SLC35D1: variants seen among roughly 807,000 people sequenced by gnomAD.
SLC35D1 encodes the protein solute carrier family 35 member D1, also known as nucleotide sugar transporter SLC35D1.
A neutral mutation model predicts 46.7 loss-of-function variants in SLC35D1; 31 were observed. The observed-to-expected ratio is 0.66, with a 90% CI of 0.50 to 0.90. The LOEUF (loss-of-function observed/expected upper bound fraction) is 0.90, where lower values mean the gene tolerates loss of function less well. SLC35D1 is among the 40% of genes least tolerant of loss of function. The pLI, the probability that SLC35D1 is intolerant of heterozygous loss-of-function variation, is 0.00. For synonymous variants in SLC35D1, 195 were observed against 164.6 expected (o/e 1.18, Z -1.41); for missense variants, 397 against 426.2 (o/e 0.93, Z 0.60).
At chr1:67,030,221 C>G (rs1453696700) in intron 8 of SLC35D1, among the ~76,000 whole-genome samples, 1 of 152,166 alleles carries the variant, frequency 6.6e-6, no homozygotes, top group Non-Finnish European at 1.5e-5. Flanking sequence ...GGTATTAAGG[C>G]TTCTTCCAGT....
chr1:66,986,275 C>G, the SLC35D1 span: 1 of 1,445,356 alleles, frequency 6.9e-7, no homozygotes, highest in Non-Finnish European at 9.0e-7. Context: ...ATCTGCATAG[C>G]CTTGTAAAAG....
chr1:67,047,277 T>C lies in SLC35D1; in HGVS notation c.624A>G (p.Lys208=). 6.2e-7 allele frequency: 1 copy of C among 1,612,810 alleles called. No homozygotes were observed. The highest frequency in any genetic ancestry group is 8.5e-7 in the Non-Finnish European group (1 of 1,179,470). ...GATTGCTACTTACTTTTGAATCTAA[T>C]TTTTGTTTTACGTATGCACCATTTG... ...TAANGAYVKQ[K]LDSKELGKYG... The change falls in exon 7 of 12, where the codon AAA becomes AAG. Residue 208 remains lysine (K), a synonymous_variant. Transcript: ENST00000235345.
chr1:66,992,125 A>G, the SLC35D1 span, among the ~76,000 whole-genome samples: 9 of 152,284 alleles, frequency 5.9e-5, no homozygotes, highest in South Asian at 1.5e-3. Flanking sequence ...GAACAAACCT[A>G]TGGCTGGATA....
At chr1:67,006,164 A>C (rs574769307) in intron 11 of SLC35D1, among the ~76,000 whole-genome samples, 1 of 152,190 alleles carries the variant, frequency 6.6e-6, no homozygotes, top group Non-Finnish European at 1.5e-5. Context: ...CCCAATTCTT[A>C]TGCCAATGTT....
At chr1:66,987,668 T>A in the SLC35D1 span, 2 of 132,716 alleles carry the variant, frequency 1.5e-5, no homozygotes, top group Non-Finnish European at 3.2e-5. Context: ...TTAAACATAT[T>A]TGCCTACATA....
In SLC35D1 at chr1:67,033,935, G is replaced by C. The variant is rs548328409; in HGVS notation, c.729+8301C>G. Among the ~76,000 whole-genome samples, 10 of 152,266 alleles carry C rather than the reference G, an allele frequency of 6.6e-5. No homozygotes were observed. The East Asian group carries it at 1.2e-3, about 18-fold the overall frequency. ...GGCTTTCCCTGAACCATACACTGAA[G>C]AGACTGTCCCTTCCCCAGTGTATGT... is the stretch of plus-strand genomic sequence containing the variant. On this transcript the variant is annotated intron_variant, in intron 8 of 11. Transcript: ENST00000235345.
chr1:66,973,500 T>C, the SLC35D1 span, among the ~76,000 whole-genome samples: 2 of 152,058 alleles, frequency 1.3e-5, no homozygotes, highest in African/African-American at 4.8e-5. Context: ...CTTTATATTC[T>C]TATAGTTATA....
At chr1:67,041,715 G>A (rs192379690) in intron 8 of SLC35D1, among the ~76,000 whole-genome samples, 1 of 152,078 alleles carries the variant, frequency 6.6e-6, no homozygotes, top group Admixed American at 6.6e-5. Flanking sequence ...CAGAAAATTG[G>A]TAAACTACTA....
intron 8 of SLC35D1, among the ~76,000 whole-genome samples, chr1:67,034,248 AGG>A (rs2102322267): frequency 6.6e-6 from 1 of 152,254 alleles, no homozygotes; most frequent in African/African-American, 2.4e-5. Context: ...GTATTTTGAC[AGG>A]GGTTGAATTA....
the SLC35D1 span, among the ~76,000 whole-genome samples, chr1:66,982,479 T>C: frequency 6.6e-6 from 1 of 152,182 alleles, no homozygotes; most frequent in Non-Finnish European, 1.5e-5. Flanking sequence ...GTTCAGATAG[T>C]GTTTCCGTTT....
chr1:67,015,142 C>A (rs1426295632), intron 10 of SLC35D1, among the ~76,000 whole-genome samples: 74 of 41,034 alleles, frequency 1.8e-3, no homozygotes, highest in East Asian at 3.5e-3. Context: ...TTATAAAACA[C>A]ATAAAAATGT....
At chr1:66,979,882 C>T in the SLC35D1 span, among the ~76,000 whole-genome samples, 47 of 151,992 alleles carry the variant, frequency 3.1e-4, no homozygotes, top group East Asian at 7.3e-3. Context: ...CTACTGCCGC[C>T]GCCTCCCGAG....
intron 4 of SLC35D1, among the ~76,000 whole-genome samples, chr1:67,051,718 A>G (rs1645310453): frequency 6.6e-6 from 1 of 152,238 alleles, no homozygotes; most frequent in Admixed American, 6.5e-5. Flanking sequence ...TTGTGGCTCT[A>G]GAAAAATAAT....
intron 3 of SLC35D1, 69 bp from the exon 4 acceptor site, chr1:67,052,148 GA>G (rs1277779966): frequency 1.8e-6 from 2 of 1,137,202 alleles, no homozygotes; most frequent in African/African-American, 1.5e-5. Context: ...CTTTCAAACA[GA>G]AACAATTTTG....
At chr1:66,982,032 T>C in the SLC35D1 span, 2 of 989,400 alleles carry the variant, frequency 2.0e-6, no homozygotes, top group Non-Finnish European at 3.1e-6. Flanking sequence ...AAGTAAAAAA[T>C]GATAACACAT....
At chr1:67,030,287 A>G (rs1326299990) in intron 8 of SLC35D1, among the ~76,000 whole-genome samples, 1 of 152,196 alleles carries the variant, frequency 6.6e-6, no homozygotes, top group Non-Finnish European at 1.5e-5. Flanking sequence ...TACCCAAGCT[A>G]AAACACATAA....
In SLC35D1 at chr1:67,018,276, A is replaced by G. The variant is rs188036254; in HGVS notation, c.876+2093T>C. On this transcript the variant is annotated intron_variant, in intron 10 of 11. Coordinates refer to ENST00000235345, the MANE Select transcript of SLC35D1 (RefSeq NM_015139.3). ...CAACAAGGCTAGCAGGCAACTTAGG[A>G]AAGTGTATAACAGGACGTCATTTGA... 1.1e-4 allele frequency among the ~76,000 whole-genome samples: 16 copies of G among 152,270 alleles called. No homozygotes were observed. In the East Asian group the frequency reaches 3.1e-3, roughly 29 times the overall value.
At chr1:67,017,349 GTT>G (rs2102268362) in intron 10 of SLC35D1, among the ~76,000 whole-genome samples, 1 of 152,140 alleles carries the variant, frequency 6.6e-6, no homozygotes, top group East Asian at 1.9e-4. Flanking sequence ...TGTTATTGTT[GTT>G]ATTACTTCTC....
intron 10 of SLC35D1, among the ~76,000 whole-genome samples, chr1:67,009,939 G>T (rs1424999417): frequency 6.6e-6 from 1 of 152,172 alleles, no homozygotes; most frequent in Non-Finnish European, 1.5e-5. Flanking sequence ...CAACCAAGAT[G>T]CCCATTAACG....
Sources: gnomAD v4.1 joint callset for allele counts (sites outside exome capture counted in the v4.1 genomes callset) on GRCh38, gnomAD v4.1.1 for gene constraint, MANE v1.5 for transcripts, NCBI Gene and HGNC (gene_info 2026-07-23, HGNC 2026-07-21) for gene names.